AFF1: variants seen among roughly 807,000 people sequenced by gnomAD.
The protein encoded by AFF1 is AF4/FMR2 family member 1.
Under a neutral mutation model 121.7 loss-of-function variants are expected in AFF1, and 48 were observed. That is an observed-to-expected ratio of 0.39 (90% CI 0.31 to 0.50). The LOEUF is 0.50. Among genes scored for constraint, AFF1 ranks in the 20% least tolerant of loss-of-function variants. AFF1 has a pLI of 0.76. For synonymous variants in AFF1, 613 were observed against 563.0 expected (o/e 1.09, Z -1.26); for missense variants, 1,523 against 1,511.7 (o/e 1.01, Z -0.12).
chr4:87,029,502 A>G (rs1728861853), intron 2 of AFF1, among the ~76,000 whole-genome samples: 1 of 152,160 alleles, frequency 6.6e-6, no homozygotes, highest in Non-Finnish European at 1.5e-5. Context: ...AGGAACATTA[A>G]GTTCTGACCT....
At chr4:87,030,061 C>T (rs577021057) in intron 2 of AFF1, among the ~76,000 whole-genome samples, 2 of 152,098 alleles carry the variant, frequency 1.3e-5, no homozygotes, top group East Asian at 3.9e-4. Context: ...AAATTGCTGT[C>T]ACTGAAAGAC....
rs1560664351 is a variant in AFF1, at chr4:87,132,413, C to T, written c.3311+5C>T. On this transcript the variant is annotated splice_donor_5th_base_variant and intron_variant, in intron 19 of 20. Coordinates refer to ENST00000395146, the MANE Select transcript of AFF1 (RefSeq NM_001166693.3). ...ACCTTCTCCATGCATTGCAAGGTAA[C>T]TCTAAGTCTAATATAAATAATTTCC... 6.3e-7 allele frequency: 1 copy of T among 1,599,156 alleles called. No homozygotes were observed. Among genetic ancestry groups the T allele is most frequent in the Non-Finnish European group, 8.5e-7 (1 of 1,175,720 alleles).
chr4:87,086,296 T>C (rs1204200494), intron 5 of AFF1, among the ~76,000 whole-genome samples: 2 of 152,328 alleles, frequency 1.3e-5, no homozygotes, highest in Admixed American at 6.5e-5. Flanking sequence ...GTCTTCTGCA[T>C]ATGTCAGATG....
chr4:87,031,292 A>G lies in AFF1; in HGVS notation c.39-14874A>G, dbSNP rs189188503. Among the ~76,000 whole-genome samples the G allele has an allele frequency of 1.6e-4, 24 of 152,272 alleles. No individual in the cohort carries two copies. In the East Asian group the frequency reaches 4.6e-3, roughly 29 times the overall value. ...GGGCGGAGGCCTCTTTCTCTCTTGGAAACTTCTGCTCATCATTCAAGATTC... is the reference window on the plus strand; with the variant it reads ...GGGCGGAGGCCTCTTTCTCTCTTGGGAACTTCTGCTCATCATTCAAGATTC... On this transcript the variant is annotated intron_variant, in intron 2 of 20. Coordinates refer to ENST00000395146, the MANE Select transcript of AFF1 (RefSeq NM_001166693.3).
In AFF1 at chr4:87,098,864, A is replaced by G. The variant is rs886478559; in HGVS notation, c.1283+3895A>G. On this transcript the variant is annotated intron_variant, in intron 8 of 20. Transcript: ENST00000395146. ...GAGTTGGATGAGAAAGACTGTTGCC[A>G]AGTTAGTAAAGACTGGGGTGAGTCT... 1.9e-4 allele frequency among the ~76,000 whole-genome samples: 29 copies of G among 152,232 alleles called. 1 individual carries two copies. The highest frequency in any genetic ancestry group is 6.8e-4 in the African/African-American group (28 of 41,444).
At chr4:86,938,577 CT>C (rs1215253376) in intron 1 of AFF1, among the ~76,000 whole-genome samples, 1 of 151,886 alleles carries the variant, frequency 6.6e-6, no homozygotes, top group Non-Finnish European at 1.5e-5. Context: ...TTGGCAGTTG[CT>C]TTCTAGTAGT....
chr4:87,063,179 A>G (rs28432336), intron 4 of AFF1, among the ~76,000 whole-genome samples: 49,348 of 146,596 alleles, frequency 0.34, 8,560 homozygotes, highest in South Asian at 0.45. Context: ...TCATAATTAT[A>G]GCAGTTATTT....
rs1391864709 is a variant in AFF1, at chr4:86,997,330, G to A, written c.38+48759G>A. On this transcript the variant is annotated intron_variant, in intron 2 of 20. Transcript: ENST00000395146. ...ACCAGCAAGAAGGCTTTCACCAGGT[G>A]TGGCCCCTTAACTGTGGACTTCCCA... Among the ~76,000 whole-genome samples, 5 of 152,340 alleles carry A rather than the reference G, an allele frequency of 3.3e-5. No homozygotes were observed. In the East Asian group the frequency reaches 9.6e-4, roughly 29 times the overall value.
intron 4 of AFF1, among the ~76,000 whole-genome samples, chr4:87,073,945 TGA>T (rs1722391233): frequency 1.3e-5 from 2 of 152,124 alleles, no homozygotes; most frequent in Admixed American, 1.3e-4. Flanking sequence ...TAATACGATT[TGA>T]GAGACAGAGT....
In AFF1 at chr4:87,135,736, A is replaced by AT; in HGVS notation, c.*40dup. 1 of 1,592,288 alleles carries AT rather than the reference A, an allele frequency of 6.3e-7. No individual in the cohort carries two copies. Among genetic ancestry groups the AT allele is most frequent in the South Asian group, 1.1e-5 (1 of 87,050 alleles). On this transcript the variant is annotated 3_prime_UTR_variant, in exon 21 of 21. Coordinates refer to ENST00000395146, the MANE Select transcript of AFF1 (RefSeq NM_001166693.3). ...AGGTTGATTCAATGCCTTGGGAACT[A>AT]TTTTTGCACATTGGAAGCCTCAAAA...
chr4:87,012,217 C>CT (rs68156863), intron 2 of AFF1, among the ~76,000 whole-genome samples: 33,078 of 114,514 alleles, frequency 0.29, 5,606 homozygotes, highest in African/African-American at 0.42. Flanking sequence ...CATTTCATTT[C>CT]TTGTTTTTTT....
intron 2 of AFF1, among the ~76,000 whole-genome samples, chr4:86,963,546 TA>T (rs1722305048): frequency 6.6e-6 from 1 of 152,212 alleles, no homozygotes; most frequent in East Asian, 1.9e-4. Flanking sequence ...TCCAATGCTT[TA>T]AACTTTTTAA....
chr4:87,070,427 A>G lies in AFF1; in HGVS notation c.1060-13693A>G, dbSNP rs535122759. On this transcript the variant is annotated intron_variant, in intron 4 of 20. Coordinates refer to ENST00000395146, the MANE Select transcript of AFF1 (RefSeq NM_001166693.3). ...GCTGGGATTACAGGCGTGAGCCACC[A>G]TGCTCAGCCTTTTCTTCATCTTTCA... 2.6e-5 allele frequency among the ~76,000 whole-genome samples: 4 copies of G among 152,360 alleles called. No homozygotes were observed. In the South Asian group the frequency reaches 6.2e-4, roughly 24 times the overall value.
In AFF1 at chr4:87,014,524, G is replaced by T. The variant is rs76710035; in HGVS notation, c.39-31642G>T. On this transcript the variant is annotated intron_variant, in intron 2 of 20. Transcript: ENST00000395146. ...AAAATTATAGCAGATGTCACTTCCT[G>T]TAACAAAATTCAGGAAACAGTCTTT... Among the ~76,000 whole-genome samples the T allele has an allele frequency of 6.2e-4, 94 of 152,344 alleles. No individual in the cohort carries two copies. In the East Asian group the frequency reaches 0.017, roughly 28 times the overall value.
chr4:87,133,065 G>C (rs1271581728), intron 19 of AFF1, among the ~76,000 whole-genome samples: 1 of 152,218 alleles, frequency 6.6e-6, no homozygotes, highest in Non-Finnish European at 1.5e-5. Flanking sequence ...ACCAGAGCCA[G>C]AGTCCTTTCT....
intron 2 of AFF1, among the ~76,000 whole-genome samples, chr4:86,969,058 C>G (rs1722734913): frequency 1.3e-5 from 2 of 152,204 alleles, no homozygotes; most frequent in South Asian, 4.1e-4. Flanking sequence ...GTGGTAGCCT[C>G]TCCACGGAGC....
Position 87,135,691 on chromosome 4 carries a change from A to G in AFF1, c.3647A>G (p.Lys1216Arg), listed in dbSNP as rs1247318874. The part of the protein sequence containing the change: ...QGFQQLQELT[K>R]TP ...TTTCAGCAGCTACAAGAATTAACCAAAACACCTTAATGGAGCCCCAGGTTG... is the reference window on the plus strand; with the variant it reads ...TTTCAGCAGCTACAAGAATTAACCAGAACACCTTAATGGAGCCCCAGGTTG... The change falls in exon 21 of 21, where the codon AAA becomes AGA. Residue 1216 changes from lysine to arginine, a missense_variant. Physicochemically the swap from Lys to Arg is conservative, Grantham distance 26. Transcript: ENST00000395146. 1 of 1,611,664 alleles carries G rather than the reference A, an allele frequency of 6.2e-7. No individual in the cohort carries two copies. Among genetic ancestry groups the G allele is most frequent in the Non-Finnish European group, 8.5e-7 (1 of 1,178,976 alleles).
intron 2 of AFF1, among the ~76,000 whole-genome samples, chr4:87,045,206 A>G (rs758618923): frequency 8.2e-4 from 125 of 152,338 alleles, no homozygotes; most frequent in Non-Finnish European, 1.4e-3. Flanking sequence ...TAACTAGACA[A>G]TCAAATATTT....
chr4:87,039,103 C>G (rs1212063400), intron 2 of AFF1, among the ~76,000 whole-genome samples: 1 of 152,198 alleles, frequency 6.6e-6, no homozygotes, highest in Non-Finnish European at 1.5e-5. Context: ...CAGATGATAC[C>G]AGAGCCAACA....
Sources: gnomAD v4.1 joint callset for allele counts (sites outside exome capture counted in the v4.1 genomes callset) on GRCh38, gnomAD v4.1.1 for gene constraint, MANE v1.5 for transcripts, NCBI Gene and HGNC (gene_info 2026-07-23, HGNC 2026-07-21) for gene names.